Variants in ST8SIA5 observed in about 807,000 individuals in gnomAD.
ST8SIA5 encodes the protein alpha-2,8-sialyltransferase 8E.
ST8SIA5 carries 24 observed loss-of-function variants against 40.2 expected under a neutral mutation model. That is an observed-to-expected ratio of 0.60 (90% CI 0.43 to 0.84). ST8SIA5 has a LOEUF of 0.84. Among genes scored for constraint, ST8SIA5 ranks in the 40% least tolerant of loss-of-function variants. ST8SIA5 has a pLI of 0.00. For synonymous variants in ST8SIA5, 198 were observed against 201.8 expected (o/e 0.98, Z 0.16); for missense variants, 465 against 498.5 (o/e 0.93, Z 0.64).
chr18:46,710,484 CCCCTTCCCCTT>C (rs1370563421), intron 1 of ST8SIA5, among the ~76,000 whole-genome samples: 2 of 138,960 alleles, frequency 1.4e-5, no homozygotes, highest in Non-Finnish European at 3.0e-5. Context: ...CCTTCCCCTT[CCCCTTCCCCTT>C]CCCTTCCCTT....
At chr18:46,715,129 C>T (rs953845175) in intron 1 of ST8SIA5, among the ~76,000 whole-genome samples, 1 of 152,252 alleles carries the variant, frequency 6.6e-6, no homozygotes, top group African/African-American at 2.4e-5. Context: ...TTCCACCAAA[C>T]CTGCATCTCC....
intron 1 of ST8SIA5, among the ~76,000 whole-genome samples, chr18:46,713,483 C>T (rs1363105568): frequency 2.6e-5 from 4 of 152,028 alleles, no homozygotes; most frequent in Non-Finnish European, 5.9e-5. Flanking sequence ...GATGCACATT[C>T]CAGAGTCAAA....
At chr18:46,709,328 G>A (rs1315978069) in intron 1 of ST8SIA5, among the ~76,000 whole-genome samples, 1 of 152,190 alleles carries the variant, frequency 6.6e-6, no homozygotes, top group Non-Finnish European at 1.5e-5. Flanking sequence ...TATGAGGAAC[G>A]GGCCCTCGCC....
intron 1 of ST8SIA5, among the ~76,000 whole-genome samples, chr18:46,713,162 C>T (rs2039750714): frequency 6.6e-6 from 1 of 152,074 alleles, no homozygotes; most frequent in South Asian, 2.1e-4. Flanking sequence ...AGAACTATTG[C>T]AGCATGAAAA....
intron 1 of ST8SIA5, among the ~76,000 whole-genome samples, chr18:46,718,343 A>AAG (rs1555696370): frequency 4.0e-5 from 6 of 151,656 alleles, no homozygotes; most frequent in African/African-American, 1.5e-4. Flanking sequence ...AAAAAAAAAA[A>AAG]AAGAAAAAAA....
intron 2 of ST8SIA5, among the ~76,000 whole-genome samples, chr18:46,699,524 C>T (rs646607): frequency 0.068 from 10,293 of 152,034 alleles, 827 homozygotes; most frequent in East Asian, 0.37. Flanking sequence ...GGAATACAGG[C>T]GCCTGCTACT....
chr18:46,704,585 T>C lies in ST8SIA5; in HGVS notation c.211A>G (p.Lys71Glu). Residue 71 changes from lysine (K) to glutamate (E), a missense_variant, in exon 2 of 7, where the codon AAG (lysine) becomes GAG (glutamate). Transcript: ENST00000315087. ...LELRHEILEV[K>E]VLSMVKQSEL... ...GGCCACACTCACATGGACAGCACCT[T>C]CACTTCCAATATTTCGTGCCTCAGC... The C allele has an allele frequency of 1.9e-6, 3 of 1,613,900 alleles. No individual in the cohort carries two copies. The highest frequency in any genetic ancestry group is 1.7e-6 in the Non-Finnish European group (2 of 1,179,988).
chr18:46,683,857 G>A (rs1354990577), intron 5 of ST8SIA5, among the ~76,000 whole-genome samples: 1 of 152,152 alleles, frequency 6.6e-6, no homozygotes, highest in Non-Finnish European at 1.5e-5. Context: ...CAGATATTAG[G>A]CTCACTGTGT....
intron 2 of ST8SIA5, among the ~76,000 whole-genome samples, chr18:46,694,704 C>T (rs2039539213): frequency 6.6e-6 from 1 of 152,072 alleles, no homozygotes; most frequent in South Asian, 2.1e-4. Context: ...ACCCTGGGGT[C>T]CACTGAAGGG....
rs1191040895 is a variant in ST8SIA5, at chr18:46,670,140, T to G, written c.*9902A>C. 1 of 152,242 alleles carries G rather than the reference T, an allele frequency of 6.6e-6. No homozygotes were observed. The highest frequency in any genetic ancestry group is 1.5e-5 in the Non-Finnish European group (1 of 68,040). The allele number at this position is 152,242 out of a possible 1,614,324, so 9.4% of individuals were successfully genotyped here. On this transcript the variant is annotated 3_prime_UTR_variant, in exon 7 of 7. Coordinates refer to ENST00000315087, the MANE Select transcript of ST8SIA5 (RefSeq NM_013305.6). The stretch of plus-strand genomic sequence containing the variant: ...ATCAGATCATCAACCGTTTCATTTA[T>G]GTGAACTTCCAGGTCACTGAGCATT...
intron 1 of ST8SIA5, among the ~76,000 whole-genome samples, chr18:46,751,059 C>CCAT (rs1387783731): frequency 2.0e-5 from 3 of 152,138 alleles, no homozygotes; most frequent in Non-Finnish European, 2.9e-5. Flanking sequence ...TGCTGTGCTA[C>CCAT]CATCACCACC....
chr18:46,710,540 TTCTC>T (rs1182829903), intron 1 of ST8SIA5, among the ~76,000 whole-genome samples: 1 of 149,066 alleles, frequency 6.7e-6, no homozygotes, highest in Non-Finnish European at 1.5e-5. Flanking sequence ...CTTTCTTTCT[TTCTC>T]TCTTTTTTTT....
At chr18:46,699,745 TATTCATTTAA>T (rs2039593179) in intron 2 of ST8SIA5, among the ~76,000 whole-genome samples, 1 of 152,182 alleles carries the variant, frequency 6.6e-6, no homozygotes, top group Non-Finnish European at 1.5e-5. Context: ...TCTGTCCACT[TATTCATTTAA>T]CACATGAGTA....
At chr18:46,736,130 A>T (rs1454783465) in intron 1 of ST8SIA5, among the ~76,000 whole-genome samples, 3 of 152,184 alleles carry the variant, frequency 2.0e-5, no homozygotes, top group East Asian at 3.8e-4. Context: ...CAAACAATAT[A>T]AAAAAATTAA....
intron 1 of ST8SIA5, among the ~76,000 whole-genome samples, chr18:46,741,278 T>C (rs1477965730): frequency 1.3e-5 from 2 of 152,174 alleles, no homozygotes; most frequent in Non-Finnish European, 2.9e-5. Flanking sequence ...TAGAAAAATA[T>C]AATTTACCAA....
Position 46,700,715 on chromosome 18 carries a change from G to A in ST8SIA5, c.224+3857C>T, listed in dbSNP as rs182765461. Among the ~76,000 whole-genome samples, 248 of 152,330 alleles carry A rather than the reference G, an allele frequency of 1.6e-3. 2 individuals are homozygous for A. Among genetic ancestry groups the A allele is most frequent in the African/African-American group, 5.7e-3 (237 of 41,578 alleles). On this transcript the variant is annotated intron_variant, in intron 2 of 6. Transcript: ENST00000315087. ...CTCAGCCAGGGGCCCCAGCTAGGAT[G>A]GCTGCTCACCCTAGGAGCCCAGCCC...
At chr18:46,741,764 C>G (rs1473554822) in intron 1 of ST8SIA5, among the ~76,000 whole-genome samples, 1 of 152,174 alleles carries the variant, frequency 6.6e-6, no homozygotes, top group Admixed American at 6.5e-5. Context: ...AAACTACACA[C>G]CATTCAATAG....
intron 3 of ST8SIA5, 156 bp downstream of exon 3, chr18:46,692,013 G>T (rs1019137424): frequency 2.7e-5 from 19 of 702,864 alleles, no homozygotes; most frequent in Non-Finnish European, 4.2e-5. Context: ...TGTTGAATCA[G>T]ATCTCCCCCA....
intron 2 of ST8SIA5, among the ~76,000 whole-genome samples, chr18:46,694,321 A>G (rs1020114411): frequency 6.6e-6 from 1 of 152,240 alleles, no homozygotes; most frequent in African/African-American, 2.4e-5. Flanking sequence ...TTACTGCAAG[A>G]CTTCTCAGAT....
Sources: gnomAD v4.1 joint callset for allele counts (sites outside exome capture counted in the v4.1 genomes callset) on GRCh38, gnomAD v4.1.1 for gene constraint, MANE v1.5 for transcripts, NCBI Gene and HGNC (gene_info 2026-07-23, HGNC 2026-07-21) for gene names.